Variants in CACNA1E observed in about 807,000 individuals in gnomAD.
The protein encoded by CACNA1E is voltage-dependent R-type calcium channel subunit alpha-1E.
CACNA1E carries 40 observed loss-of-function variants against 259.2 expected under a neutral mutation model. That is an observed-to-expected ratio of 0.15 (90% CI 0.12 to 0.20). CACNA1E has a LOEUF of 0.20. CACNA1E is among the 10% of genes least tolerant of loss of function. The pLI is 1.00. For missense variants in CACNA1E, 1,874 were observed against 3,040.1 expected, an observed-to-expected ratio of 0.62 and a Z score of 9.02; for synonymous variants, 1,104 against 1,138.5, an observed-to-expected ratio of 0.97 and a Z score of 0.61.
At chr1:181,655,629 T>G (rs199979) in intron 7 of CACNA1E, among the ~76,000 whole-genome samples, 1 of 152,122 alleles carries the variant, frequency 6.6e-6, no homozygotes, top group African/African-American at 2.4e-5. Flanking sequence ...AAGAGAAGAA[T>G]GTGATACTCA....
intron 1 of CACNA1E, among the ~76,000 whole-genome samples, chr1:181,400,396 T>C (rs111899608): frequency 6.6e-6 from 1 of 151,982 alleles, no homozygotes; most frequent in African/African-American, 2.4e-5. Flanking sequence ...GACGTTGGGG[T>C]GGGGCATCTG....
intron 27 of CACNA1E, among the ~76,000 whole-genome samples, chr1:181,754,372 T>C (rs1657883046): frequency 6.6e-6 from 1 of 152,208 alleles, no homozygotes; most frequent in Admixed American, 6.5e-5. Context: ...CTTCACCCAG[T>C]GCTGCAAAGA....
At chr1:181,622,605 T>A (rs1167018949) in intron 6 of CACNA1E, among the ~76,000 whole-genome samples, 1 of 152,156 alleles carries the variant, frequency 6.6e-6, no homozygotes, top group South Asian at 2.1e-4. Flanking sequence ...ACCAGTAAGG[T>A]TGGATTAGGG....
chr1:181,429,693 C>T (rs1473151234), intron 2 of CACNA1E, among the ~76,000 whole-genome samples: 2 of 152,200 alleles, frequency 1.3e-5, no homozygotes, highest in Non-Finnish European at 2.9e-5. Flanking sequence ...CTGCTTCCCC[C>T]AGGCTGTGGC....
intron 7 of CACNA1E, among the ~76,000 whole-genome samples, chr1:181,708,377 C>T (rs1450631325): frequency 2.0e-5 from 3 of 152,190 alleles, no homozygotes; most frequent in Non-Finnish European, 4.4e-5. Flanking sequence ...TGTCCTTGGA[C>T]ACTTGCCCTC....
At chr1:181,545,503 C>T (rs1016354501) in intron 3 of CACNA1E, among the ~76,000 whole-genome samples, 8 of 151,994 alleles carry the variant, frequency 5.3e-5, no homozygotes, top group African/African-American at 1.7e-4. Flanking sequence ...AGCTTGGAAT[C>T]CCCCCACACT....
rs138717554 is a variant in CACNA1E at position 181,572,379 on chromosome 1, C to T, written c.513-5387C>T. On this transcript the variant is annotated intron_variant, in intron 3 of 47. Coordinates refer to ENST00000367573, the MANE Select transcript of CACNA1E (RefSeq NM_001205293.3). ...CATCAGGATTGTATCAATCTCCATT[C>T]TCTTCCTATTTGCTGACACCTAAAA... Among the ~76,000 whole-genome samples, 261 of 152,334 alleles carry T rather than the reference C, an allele frequency of 1.7e-3. 5 individuals are homozygous for T. The highest frequency in any genetic ancestry group is 6.1e-3 in the African/African-American group (254 of 41,576).
At position 181,537,169 on chromosome 1, in the gene CACNA1E, G is replaced by A. The variant is rs547962518; in HGVS notation, c.512+25659G>A. Among the ~76,000 whole-genome samples the A allele has an allele frequency of 5.0e-5, 7 of 139,610 alleles. No homozygotes were observed. In the East Asian group the frequency reaches 6.4e-4, roughly 13 times the overall value. The allele number at this position is 139,610 out of a possible 152,430, so 91.6% of individuals were successfully genotyped here. A position where few individuals can be genotyped will look rare whatever the true frequency, so the allele number is the denominator to read the frequency against. On this transcript the variant is annotated intron_variant, in intron 3 of 47. Transcript: ENST00000367573. ...GGCTGGAGTGCAGTGGCACGATCTCGGCTCACTGCACCCTCCACCTCCAAG... is the reference window on the plus strand; with the variant it reads ...GGCTGGAGTGCAGTGGCACGATCTCAGCTCACTGCACCCTCCACCTCCAAG...
intron 2 of CACNA1E, among the ~76,000 whole-genome samples, chr1:181,470,740 A>G (rs1211860334): frequency 6.6e-6 from 1 of 151,856 alleles, no homozygotes; most frequent in Non-Finnish European, 1.5e-5. Flanking sequence ...TTATCTTTTC[A>G]CCTTTGGCCA....
chr1:181,631,921 C>T (rs953549555), intron 6 of CACNA1E, among the ~76,000 whole-genome samples: 2 of 152,134 alleles, frequency 1.3e-5, no homozygotes, highest in Non-Finnish European at 2.9e-5. Flanking sequence ...AGATTTACCT[C>T]AGGTTTCAAG....
intron 15 of CACNA1E, among the ~76,000 whole-genome samples, chr1:181,721,541 C>A (rs981683948): frequency 6.6e-6 from 1 of 151,990 alleles, no homozygotes; most frequent in African/African-American, 2.4e-5. Flanking sequence ...CCCTTTGATG[C>A]TCTCCTTCCA....
intron 25 of CACNA1E, among the ~76,000 whole-genome samples, chr1:181,742,574 T>C (rs1381375219): frequency 2.6e-5 from 4 of 152,162 alleles, no homozygotes; most frequent in Non-Finnish European, 5.9e-5. Flanking sequence ...GTAGCATCTT[T>C]CTGTGGCTCC....
intron 2 of CACNA1E, among the ~76,000 whole-genome samples, chr1:181,428,424 C>T (rs565719020): frequency 1.6e-4 from 24 of 152,168 alleles, no homozygotes; most frequent in African/African-American, 3.6e-4. Flanking sequence ...TAGGGGCATC[C>T]GGCACAGAGT....
At chr1:181,632,825 G>C (rs1306602919) in intron 6 of CACNA1E, among the ~76,000 whole-genome samples, 1 of 152,098 alleles carries the variant, frequency 6.6e-6, no homozygotes, top group Non-Finnish European at 1.5e-5. Context: ...GCCATCTACA[G>C]GGCACTTGGA....
intron 3 of CACNA1E, among the ~76,000 whole-genome samples, chr1:181,560,565 T>G (rs1649219505): frequency 6.6e-6 from 1 of 152,212 alleles, no homozygotes; most frequent in South Asian, 2.1e-4. Flanking sequence ...AATATTCCAT[T>G]GAGTGCACCA....
rs187165107 is a variant in CACNA1E, at chr1:181,343,564, G to C, written c.-15+25441G>C. 2.6e-5 allele frequency among the ~76,000 whole-genome samples: 4 copies of C among 152,218 alleles called. No homozygotes were observed. The East Asian group carries it at 7.7e-4, about 29-fold the overall frequency. On this transcript the variant is annotated intron_variant, in intron 1 of 11. Transcript: ENST00000524607. ...TGCTGGTGGTATACCTCAGGTACAG[G>C]GTGCAGAATCATGAGCCAAATAAAC...
At chr1:181,538,309 C>G (rs1333880024) in intron 3 of CACNA1E, among the ~76,000 whole-genome samples, 1 of 152,104 alleles carries the variant, frequency 6.6e-6, no homozygotes, top group Non-Finnish European at 1.5e-5. Flanking sequence ...AATATATCTG[C>G]TTTAAGGGAA....
At chr1:181,502,700 G>A (rs1458939388) in intron 1 of CACNA1E, among the ~76,000 whole-genome samples, 2 of 151,976 alleles carry the variant, frequency 1.3e-5, no homozygotes, top group Admixed American at 1.3e-4. Context: ...TTCTTTTTTT[G>A]TTTTGTTTTG....
At chr1:181,736,571 T>C in intron 22 of CACNA1E, 137 bp downstream of exon 22, 3 of 796,106 alleles carry the variant, frequency 3.8e-6, no homozygotes, top group Admixed American at 2.8e-5. Flanking sequence ...TGGCCAGACA[T>C]TGAGCATCTG....
Sources: gnomAD v4.1 joint callset for allele counts (sites outside exome capture counted in the v4.1 genomes callset) on GRCh38, gnomAD v4.1.1 for gene constraint, MANE v1.5 for transcripts, NCBI Gene and HGNC (gene_info 2026-07-23, HGNC 2026-07-21) for gene names.